The following IPO11 variants were observed in gnomAD, a reference collection of about 807,000 sequenced individuals.
IPO11 encodes the protein importin-11.
In IPO11, 66 loss-of-function variants were observed where a neutral mutation model predicts 143.2. That is an observed-to-expected ratio of 0.46 (90% CI 0.38 to 0.57). The LOEUF is 0.57. Among genes scored for constraint, IPO11 ranks in the 20% least tolerant of loss-of-function variants. IPO11 has a pLI of 0.00. For synonymous variants in IPO11, 385 were observed against 377.8 expected, an observed-to-expected ratio of 1.02 and a Z score of -0.22; for missense variants, 1,026 against 1,141.0, an observed-to-expected ratio of 0.90 and a Z score of 1.45.
At chr5:62,549,494 G>A (rs987198614) in intron 24 of IPO11, among the ~76,000 whole-genome samples, 12 of 152,168 alleles carry the variant, frequency 7.9e-5, no homozygotes, top group African/African-American at 2.9e-4. Context: ...CATACAAAAT[G>A]TCAGTAGTCC....
intron 20 of IPO11, among the ~76,000 whole-genome samples, chr5:62,519,518 T>A (rs917488290): frequency 6.6e-6 from 1 of 152,212 alleles, no homozygotes; most frequent in Non-Finnish European, 1.5e-5. Flanking sequence ...CCTGTGTCCT[T>A]CCTATTCCAC....
Position 62,627,860 on chromosome 5 carries a change from C to G in IPO11, c.*542C>G, listed in dbSNP as rs1335383518. On this transcript the variant is annotated 3_prime_UTR_variant, in exon 30 of 30. Coordinates refer to ENST00000325324, the MANE Select transcript of IPO11 (RefSeq NM_016338.5). Reference sequence around the variant, plus strand: ...TATCTTGCAAGGGAGTTATTTTCATCTAACATAGAAAGTGTGTTTTATCAG... The same window carrying G: ...TATCTTGCAAGGGAGTTATTTTCATGTAACATAGAAAGTGTGTTTTATCAG... 1 of 152,522 alleles carries G rather than the reference C, an allele frequency of 6.6e-6. No individual in the cohort carries two copies. Among genetic ancestry groups the G allele is most frequent in the Non-Finnish European group, 1.5e-5 (1 of 68,024 alleles). The allele number at this position is 152,522 out of a possible 1,614,324, so 9.4% of individuals were successfully genotyped here.
At chr5:62,444,540 A>T (rs1441080053) in intron 3 of IPO11, among the ~76,000 whole-genome samples, 1 of 152,108 alleles carries the variant, frequency 6.6e-6, no homozygotes, top group Non-Finnish European at 1.5e-5. Flanking sequence ...TGTCTGCTAA[A>T]ATTCATTTTG....
At chr5:62,432,244 C>T (rs751488960) in intron 1 of IPO11, among the ~76,000 whole-genome samples, 2 of 152,104 alleles carry the variant, frequency 1.3e-5, no homozygotes, top group African/African-American at 2.4e-5. Context: ...CTGTTGTGGA[C>T]GTGATAGAGG....
At chr5:62,462,085 A>C (rs1020508702) in intron 5 of IPO11, among the ~76,000 whole-genome samples, 4 of 152,184 alleles carry the variant, frequency 2.6e-5, no homozygotes, top group African/African-American at 4.8e-5. Flanking sequence ...TGCCATTAAT[A>C]TCTATAAATC....
At chr5:62,514,020 T>G (rs1193264570) in intron 19 of IPO11, among the ~76,000 whole-genome samples, 2 of 146,372 alleles carry the variant, frequency 1.4e-5, no homozygotes, top group African/African-American at 2.6e-5. Flanking sequence ...CGCTCCTCAC[T>G]TCCTAGATGG....
chr5:62,504,130 G>T (rs1457611598), intron 16 of IPO11, among the ~76,000 whole-genome samples: 1 of 152,164 alleles, frequency 6.6e-6, no homozygotes, highest in Non-Finnish European at 1.5e-5. Context: ...GATTTAGGAG[G>T]TCAGGAGCAT....
chr5:62,434,832 C>A (rs1452946616), intron 1 of IPO11, among the ~76,000 whole-genome samples: 1 of 151,562 alleles, frequency 6.6e-6, no homozygotes, highest in East Asian at 1.9e-4. Context: ...TGAGACCATC[C>A]TGGCCAATAT....
At chr5:62,446,688 GCCAGGTGC>G (rs1744731813) in intron 3 of IPO11, among the ~76,000 whole-genome samples, 1 of 152,136 alleles carries the variant, frequency 6.6e-6, no homozygotes, top group South Asian at 2.1e-4. Context: ...CTTCTCCTAG[GCCAGGTGC>G]AGTGGCTCAT....
chr5:62,496,015 C>T (rs900531013), intron 16 of IPO11, among the ~76,000 whole-genome samples: 4 of 151,854 alleles, frequency 2.6e-5, no homozygotes, highest in African/African-American at 9.7e-5. Flanking sequence ...TTGTGGCATG[C>T]GTGGTGACTC....
At chr5:62,420,058 A>G (rs1289953615) in intron 1 of IPO11, among the ~76,000 whole-genome samples, 4 of 152,224 alleles carry the variant, frequency 2.6e-5, no homozygotes, top group African/African-American at 7.2e-5. Flanking sequence ...CGGGAGGCCA[A>G]GGCGGGTGGA....
intron 24 of IPO11, among the ~76,000 whole-genome samples, chr5:62,549,918 A>G (rs540910347): frequency 6.6e-6 from 1 of 152,292 alleles, no homozygotes; most frequent in Non-Finnish European, 1.5e-5. Flanking sequence ...CCTCCAATTT[A>G]TTGATTAACT....
chr5:62,435,664 G>C (rs890098001), intron 1 of IPO11, among the ~76,000 whole-genome samples: 2 of 151,114 alleles, frequency 1.3e-5, no homozygotes, highest in African/African-American at 4.9e-5. Context: ...GGCAGAGGTT[G>C]CAGTGAGCCG....
At chr5:62,439,815 A>G (rs1744398738) in intron 2 of IPO11, among the ~76,000 whole-genome samples, 1 of 152,144 alleles carries the variant, frequency 6.6e-6, no homozygotes, top group African/African-American at 2.4e-5. Flanking sequence ...TATACTCGCT[A>G]TCTAGGTACA....
chr5:62,530,671 C>A (rs752026975), intron 21 of IPO11, 38 bp from the exon 22 acceptor site: 1 of 1,294,528 alleles, frequency 7.7e-7, no homozygotes, highest in Admixed American at 1.7e-5. Context: ...CTTTAATGGG[C>A]ATGGAAAGTG....
intron 24 of IPO11, 85 bp downstream of exon 24, chr5:62,537,374 A>G (rs1015060607): frequency 3.4e-6 from 3 of 882,022 alleles, no homozygotes; most frequent in Non-Finnish European, 5.5e-6. Flanking sequence ...ATGGTTCGCA[A>G]GAAGGAGAAG....
At chr5:62,487,925 G>A (rs941444275) in intron 13 of IPO11, 64 bp downstream of exon 13, 1 of 1,391,480 alleles carries the variant, frequency 7.2e-7, no homozygotes, top group Admixed American at 1.9e-5. Flanking sequence ...GAAATAGTCT[G>A]AGTGCCTACA....
intron 26 of IPO11, among the ~76,000 whole-genome samples, chr5:62,555,822 A>T (rs569222181): frequency 6.6e-5 from 10 of 152,198 alleles, no homozygotes; most frequent in Non-Finnish European, 1.3e-4. Context: ...GCTAATTTTT[A>T]AAAATTTTTG....
At chr5:62,481,840 A>G (rs1188907511) in intron 9 of IPO11, among the ~76,000 whole-genome samples, 1 of 152,008 alleles carries the variant, frequency 6.6e-6, no homozygotes, top group Non-Finnish European at 1.5e-5. Flanking sequence ...TTTTCTATTG[A>G]TTGGAATAGT....
Sources: gnomAD v4.1 joint callset for allele counts (sites outside exome capture counted in the v4.1 genomes callset) on GRCh38, gnomAD v4.1.1 for gene constraint, MANE v1.5 for transcripts, NCBI Gene and HGNC (gene_info 2026-07-23, HGNC 2026-07-21) for gene names.